SYNPR: variants seen among roughly 807,000 people sequenced by gnomAD.
The protein encoded by SYNPR is synaptoporin.
Under a neutral mutation model 32.9 loss-of-function variants are expected in SYNPR, and 23 were observed. That is an observed-to-expected ratio of 0.70 (90% CI 0.50 to 0.99). The LOEUF (loss-of-function observed/expected upper bound fraction) is 0.99. Ranked by LOEUF, SYNPR falls within the 50% of genes least tolerant of loss-of-function variation. The probability of loss-of-function intolerance (pLI) is 0.00; values close to 1 mark genes in which losing one functional copy is unlikely to be tolerated. For synonymous variants in SYNPR, 146 were observed against 135.9 expected, an observed-to-expected ratio of 1.07 and a Z score of -0.52; for missense variants, 318 against 349.3, an observed-to-expected ratio of 0.91 and a Z score of 0.71.
chr3:63,567,425 G>C (rs1702810441), intron 4 of SYNPR, among the ~76,000 whole-genome samples: 1 of 151,934 alleles, frequency 6.6e-6, no homozygotes, highest in African/African-American at 2.4e-5. Flanking sequence ...ATCATTTTTT[G>C]AAAGTTGTGA....
At chr3:63,328,709 A>G (rs2087192251) in intron 2 of SYNPR, among the ~76,000 whole-genome samples, 3 of 152,172 alleles carry the variant, frequency 2.0e-5, no homozygotes, top group Admixed American at 2.0e-4. Context: ...ACCTCAGAGG[A>G]ACCTGGGGGC....
At chr3:63,313,946 T>G in intron 2 of SYNPR, among the ~76,000 whole-genome samples, 1 of 6,150 alleles carries the variant, frequency 1.6e-4, no homozygotes, top group Non-Finnish European at 3.4e-4. Context: ...TATATATCCA[T>G]ATATATATAT....
chr3:63,335,021 T>C (rs1453380416), intron 2 of SYNPR, among the ~76,000 whole-genome samples: 2 of 152,052 alleles, frequency 1.3e-5, no homozygotes, highest in Non-Finnish European at 2.9e-5. Context: ...AGACAACTGT[T>C]AATAGGTTGA....
At chr3:63,230,749 C>T (rs1054441464) in intron 1 of SYNPR, among the ~76,000 whole-genome samples, 3 of 152,152 alleles carry the variant, frequency 2.0e-5, no homozygotes, top group Admixed American at 2.0e-4. Flanking sequence ...ATAATAACAG[C>T]AACTACCTCA....
intron 2 of SYNPR, among the ~76,000 whole-genome samples, chr3:63,468,022 A>G (rs1700717719): frequency 1.3e-5 from 2 of 152,044 alleles, no homozygotes; most frequent in Admixed American, 6.5e-5. Context: ...CAACATGGAG[A>G]AACCCCATCT....
chr3:63,371,116 T>C (rs1272929265), intron 2 of SYNPR, among the ~76,000 whole-genome samples: 5 of 151,990 alleles, frequency 3.3e-5, no homozygotes, highest in African/African-American at 4.8e-5. Context: ...TGGGATGGCA[T>C]AGAGCCAGAG....
chr3:63,544,661 C>T (rs979437882), intron 3 of SYNPR, among the ~76,000 whole-genome samples: 2 of 152,014 alleles, frequency 1.3e-5, no homozygotes, highest in African/African-American at 4.8e-5. Context: ...TTTGACAGAA[C>T]TGTATAGTAA....
intron 2 of SYNPR, among the ~76,000 whole-genome samples, chr3:63,297,981 C>T (rs1575590165): frequency 6.6e-6 from 1 of 152,080 alleles, no homozygotes; most frequent in East Asian, 1.9e-4. Context: ...GACCTTGCGA[C>T]CTCTGGCCGT....
rs547928668 is a variant in SYNPR, at chr3:63,321,808, C to T, written c.84+43066C>T. 9.9e-5 allele frequency among the ~76,000 whole-genome samples: 15 copies of T among 152,124 alleles called. No homozygotes were observed. In the South Asian group the frequency reaches 1.5e-3, roughly 15 times the overall value. Reference sequence around the variant, plus strand: ...AGCCAATATAAACACAAATAAAATTCCCCTTGAACAAAATCAGTTCAGGGC... The same window carrying T: ...AGCCAATATAAACACAAATAAAATTTCCCTTGAACAAAATCAGTTCAGGGC... On this transcript the variant is annotated intron_variant, in intron 2 of 5. Coordinates refer to ENST00000478300, the MANE Select transcript of SYNPR (RefSeq NM_001130003.2).
At chr3:63,365,210 T>C (rs951040389) in intron 2 of SYNPR, among the ~76,000 whole-genome samples, 3 of 152,310 alleles carry the variant, frequency 2.0e-5, no homozygotes, top group African/African-American at 4.8e-5. Flanking sequence ...CTGTATAATT[T>C]GTAATTTACC....
chr3:63,473,998 A>G lies in SYNPR; in HGVS notation c.85-6834A>G, dbSNP rs544730467. 1.6e-3 allele frequency among the ~76,000 whole-genome samples: 246 copies of G among 152,282 alleles called. 1 individual carries two copies. Among genetic ancestry groups the G allele is most frequent in the African/African-American group, 5.5e-3 (230 of 41,552 alleles). On this transcript the variant is annotated intron_variant, in intron 2 of 5. Transcript: ENST00000478300. ...ATTCTGAGACGAGAATTTTGGTTCA[A>G]TAAGTTTATTTGGGGAGCAATGATG...
At chr3:63,438,572 CGTT>C (rs1381181404) in intron 2 of SYNPR, among the ~76,000 whole-genome samples, 9 of 152,002 alleles carry the variant, frequency 5.9e-5, no homozygotes, top group Non-Finnish European at 1.2e-4. Flanking sequence ...ATTTTTATCT[CGTT>C]AGTATTTGAA....
upstream of SYNPR, among the ~76,000 whole-genome samples, chr3:63,225,514 A>T (rs1575569365): frequency 6.6e-6 from 1 of 152,156 alleles, no homozygotes; most frequent in Admixed American, 6.5e-5. Context: ...TGAGATAGAG[A>T]CTGGCAAGCA....
chr3:63,583,093 T>C (rs1402039299), intron 4 of SYNPR, among the ~76,000 whole-genome samples: 1 of 151,998 alleles, frequency 6.6e-6, no homozygotes, highest in Admixed American at 6.6e-5. Flanking sequence ...TGGTTATCTA[T>C]TGTTAGCAGA....
chr3:63,312,806 T>C (rs1231523083), intron 2 of SYNPR, among the ~76,000 whole-genome samples: 2 of 152,026 alleles, frequency 1.3e-5, no homozygotes, highest in African/African-American at 2.4e-5. Flanking sequence ...CTCAGTTTTT[T>C]AAACAGCCCA....
chr3:63,359,044 G>A (rs1177960959), intron 2 of SYNPR, among the ~76,000 whole-genome samples: 9 of 152,110 alleles, frequency 5.9e-5, no homozygotes, highest in South Asian at 2.1e-4. Flanking sequence ...TTGTTGAAAC[G>A]TTTTACTTTT....
the SYNPR span, among the ~76,000 whole-genome samples, chr3:63,202,576 G>A: frequency 7.1e-6 from 1 of 141,380 alleles, no homozygotes; most frequent in Non-Finnish European, 1.5e-5. Flanking sequence ...TCCAAAAGTG[G>A]GTTGAGGATA....
chr3:63,268,730 A>G (rs907461466), intron 3 of SYNPR, among the ~76,000 whole-genome samples: 3 of 152,144 alleles, frequency 2.0e-5, no homozygotes, highest in Non-Finnish European at 2.9e-5. Flanking sequence ...AAGAAAATCC[A>G]CATGTACAAT....
chr3:63,285,090 G>C (rs549509213), intron 2 of SYNPR, among the ~76,000 whole-genome samples: 1 of 152,296 alleles, frequency 6.6e-6, no homozygotes, highest in Non-Finnish European at 1.5e-5. Context: ...CCTCAAAGAA[G>C]CTTTAAAAAG....
Sources: allele counts gnomAD v4.1 joint callset (sites outside exome capture counted in the v4.1 genomes callset), GRCh38; gene constraint gnomAD v4.1.1; transcripts MANE v1.5; gene names NCBI Gene and HGNC (gene_info 2026-07-23, HGNC 2026-07-21).